SLC24A2: variants seen among roughly 807,000 people sequenced by gnomAD.
SLC24A2 encodes sodium/potassium/calcium exchanger 2.
In SLC24A2, 36 loss-of-function variants were observed where a neutral mutation model predicts 62.0. The ratio of observed to expected loss-of-function variants is 0.58; its 90% CI spans 0.44 to 0.77. The LOEUF (loss-of-function observed/expected upper bound fraction) is 0.77. SLC24A2 is among the 30% of genes least tolerant of loss of function. The pLI, the probability that SLC24A2 is intolerant of heterozygous loss-of-function variation, is 0.00. For synonymous variants in SLC24A2, 358 were observed against 294.0 expected (o/e 1.22, Z -2.23); for missense variants, 846 against 817.9 (o/e 1.03, Z -0.42).
At chr9:20,071,048 C>T in the SLC24A2 span, among the ~76,000 whole-genome samples, 1 of 152,220 alleles carries the variant, frequency 6.6e-6, no homozygotes, top group South Asian at 2.1e-4. Context: ...GTAACACCTC[C>T]CCATTCTCTC....
At chr9:19,621,852 T>A (rs1817916330) in intron 3 of SLC24A2, among the ~76,000 whole-genome samples, 1 of 152,172 alleles carries the variant, frequency 6.6e-6, no homozygotes, top group Admixed American at 6.5e-5. Flanking sequence ...ATTTCTTTCT[T>A]TTGATGAGAC....
the SLC24A2 span, among the ~76,000 whole-genome samples, chr9:20,247,748 G>C: frequency 2.0e-5 from 3 of 152,148 alleles, no homozygotes; most frequent in Non-Finnish European, 2.9e-5. Context: ...TCCAGAGTTG[G>C]AGCCTTTTCA....
chr9:20,056,433 C>T, the SLC24A2 span, among the ~76,000 whole-genome samples: 1 of 152,166 alleles, frequency 6.6e-6, no homozygotes, highest in Non-Finnish European at 1.5e-5. Context: ...CAATCTACCA[C>T]AAAAGGTTCT....
At chr9:19,677,327 G>A (rs537373977) in intron 2 of SLC24A2, among the ~76,000 whole-genome samples, 1 of 152,074 alleles carries the variant, frequency 6.6e-6, no homozygotes, top group Non-Finnish European at 1.5e-5. Flanking sequence ...ACTAACACAG[G>A]GACAGAAAAC....
chr9:19,976,141 C>T, the SLC24A2 span, among the ~76,000 whole-genome samples: 1 of 152,122 alleles, frequency 6.6e-6, no homozygotes, highest in Non-Finnish European at 1.5e-5. Context: ...GCCTCAGCCT[C>T]CCAAAGTCCT....
the SLC24A2 span, among the ~76,000 whole-genome samples, chr9:20,070,955 G>A: frequency 2.0e-5 from 3 of 152,180 alleles, no homozygotes; most frequent in South Asian, 6.2e-4. Flanking sequence ...GGGTTATAGA[G>A]GTGGTTTATT....
At chr9:20,228,708 G>C in the SLC24A2 span, among the ~76,000 whole-genome samples, 1 of 152,170 alleles carries the variant, frequency 6.6e-6, no homozygotes, top group South Asian at 2.1e-4. Context: ...ACCCTTAGGA[G>C]GGTATAACCA....
chr9:19,644,433 G>A (rs903178331), intron 2 of SLC24A2, among the ~76,000 whole-genome samples: 1 of 152,158 alleles, frequency 6.6e-6, no homozygotes, highest in African/African-American at 2.4e-5. Flanking sequence ...GTAAACCTAT[G>A]AGATCAGTTT....
At chr9:19,594,520 G>C (rs1045026949) in intron 5 of SLC24A2, among the ~76,000 whole-genome samples, 3 of 152,046 alleles carry the variant, frequency 2.0e-5, no homozygotes, top group African/African-American at 7.2e-5. Context: ...AAATGACCCA[G>C]GCTTCATTGC....
At chr9:19,892,631 C>G in the SLC24A2 span, among the ~76,000 whole-genome samples, 3 of 152,050 alleles carry the variant, frequency 2.0e-5, no homozygotes, top group South Asian at 6.2e-4. Flanking sequence ...AAGTGATTAC[C>G]AAGGGGCTAA....
chr9:19,991,811 C>G, the SLC24A2 span, among the ~76,000 whole-genome samples: 1 of 152,066 alleles, frequency 6.6e-6, no homozygotes, highest in Non-Finnish European at 1.5e-5. Flanking sequence ...AGGAGAGAAA[C>G]TGAAAGCAGG....
At chr9:19,528,189 T>C in intron 8 of SLC24A2, 51 bp from the exon 9 acceptor site, 1 of 1,226,486 alleles carries the variant, frequency 8.2e-7, no homozygotes. Flanking sequence ...CCATTGAGAC[T>C]GATCTGGAAA....
the SLC24A2 span, among the ~76,000 whole-genome samples, chr9:20,037,928 A>C: frequency 6.6e-6 from 1 of 152,236 alleles, no homozygotes; most frequent in African/African-American, 2.4e-5. Flanking sequence ...GACCAAAAGC[A>C]ATATCAAAAA....
At chr9:20,117,192 T>A in the SLC24A2 span, among the ~76,000 whole-genome samples, 18 of 152,108 alleles carry the variant, frequency 1.2e-4, no homozygotes, top group African/African-American at 4.3e-4. Flanking sequence ...TTCTGGCCAG[T>A]GGGGTATTAG....
the SLC24A2 span, among the ~76,000 whole-genome samples, chr9:20,063,819 T>A: frequency 5.9e-5 from 9 of 152,228 alleles, no homozygotes; most frequent in Non-Finnish European, 1.2e-4. Flanking sequence ...TACAGGGAGT[T>A]ACCAATGCAT....
chr9:20,305,265 G>T, the SLC24A2 span, among the ~76,000 whole-genome samples: 9 of 151,602 alleles, frequency 5.9e-5, no homozygotes, highest in African/African-American at 1.9e-4. Flanking sequence ...GTGCTACAAC[G>T]CCTGGCTAAT....
At chr9:19,948,918 G>T in the SLC24A2 span, among the ~76,000 whole-genome samples, 1 of 149,950 alleles carries the variant, frequency 6.7e-6, no homozygotes, top group Admixed American at 6.7e-5. Context: ...AATGTTTATT[G>T]TTTATTCATC....
rs1836779393 is a variant in SLC24A2 at position 19,599,101 on chromosome 9, A to T, written c.1079-1822T>A. Among the ~76,000 whole-genome samples the T allele has an allele frequency of 6.6e-6, 1 of 152,226 alleles. No individual in the cohort carries two copies. The highest frequency in any genetic ancestry group is 6.5e-5 in the Admixed American group (1 of 15,280). The stretch of plus-strand genomic sequence containing the variant: ...TCTGTATGCACACACTTATTTTCAC[A>T]TATCAATCCCAACTTTCAAATATCT... On this transcript the variant is annotated intron_variant, in intron 4 of 10. Transcript: ENST00000341998. This position sits in a 1 kb window ranked among gnomAD's most constrained non-coding sequence, Gnocchi z 4.5.
At position 19,636,325 on chromosome 9, in the gene SLC24A2, T is replaced by C. The variant is rs1587072360; in HGVS notation, c.931-14026A>G. Among the ~76,000 whole-genome samples, 3 of 21,938 alleles carry C rather than the reference T, an allele frequency of 1.4e-4. No individual in the cohort carries two copies. In the South Asian group the frequency reaches 5.8e-3, roughly 42 times the overall value. The allele number at this position is 21,938 out of a possible 152,430, so 14.4% of individuals were successfully genotyped here. ...TTTTCTTTTCTTTTCTTTTCTTTCT[T>C]TCTTTCTTTCTTTCTTTCTTTCTTT... On this transcript the variant is annotated intron_variant, in intron 2 of 10. Transcript: ENST00000341998.
Sources: allele counts gnomAD v4.1 joint callset (sites outside exome capture counted in the v4.1 genomes callset), GRCh38; gene constraint gnomAD v4.1.1; non-coding constraint Gnocchi (gnomAD v3.1); transcripts MANE v1.5; gene names NCBI Gene and HGNC (gene_info 2026-07-23, HGNC 2026-07-21).